OTOGL: variants seen among roughly 807,000 people sequenced by gnomAD.
The protein encoded by OTOGL is otogelin-like protein.
A neutral mutation model predicts 318.5 loss-of-function variants in OTOGL; 285 were observed. The ratio of observed to expected loss-of-function variants is 0.89; its 90% CI spans 0.81 to 0.99. OTOGL has a LOEUF of 0.99. OTOGL is among the 50% of genes least tolerant of loss of function. The probability of loss-of-function intolerance (pLI) is 0.00; values close to 1 mark genes in which losing one functional copy is unlikely to be tolerated. For missense variants in OTOGL, 2,899 were observed against 2,845.6 expected, an observed-to-expected ratio of 1.02 and a Z score of -0.43; for synonymous variants, 987 against 936.5, an observed-to-expected ratio of 1.05 and a Z score of -0.99.
chr12:80,119,753 T>C (rs2137096175), intron 1 of OTOGL, among the ~76,000 whole-genome samples: 1 of 152,338 alleles, frequency 6.6e-6, no homozygotes, highest in Non-Finnish European at 1.5e-5. Context: ...GCTTTCATCC[T>C]TTAATACAAT....
chr12:80,264,212 T>A (rs935235935), intron 19 of OTOGL, among the ~76,000 whole-genome samples: 5 of 152,066 alleles, frequency 3.3e-5, no homozygotes, highest in African/African-American at 1.2e-4. Context: ...ACCTACCCTC[T>A]TTCAGAAAGA....
In OTOGL at chr12:80,267,275, A is replaced by T. The variant is rs1449286339; in HGVS notation, c.2413A>T (p.Arg805Trp). Residue 805 changes from arginine to tryptophan, a missense_variant, in exon 22 of 59, where the codon AGG becomes TGG. Arg to Trp is a moderately radical substitution (Grantham distance 101). This residue lies in a region of OTOGL where 2,607 missense variants were observed against 2,524.9 expected (regional missense o/e 1.03). Coordinates refer to ENST00000547103, the MANE Select transcript of OTOGL (RefSeq NM_001378609.3). ...VPIFHCRCHY[R>W]GSVYQPGELI... ...TAGATTCCACTGCCGTTGTCATTAT[A>T]GGGGCAGTGTTTATCAACCTGGAGA... 2.6e-6 allele frequency: 4 copies of T among 1,562,780 alleles called. No individual in the cohort carries two copies.
chr12:80,289,981 C>A (rs1884925186), intron 26 of OTOGL, among the ~76,000 whole-genome samples: 1 of 152,152 alleles, frequency 6.6e-6, no homozygotes. Flanking sequence ...GGAGTCTGCC[C>A]AAACAGCTGC....
rs1216758646 is a variant in OTOGL, at chr12:80,265,183, G to A, written c.2197G>A (p.Asp733Asn). The part of the protein sequence containing the change: ...YLCGQHGVPI[D>N]FRTQISFCAV... ...CTGCGGCCAGCACGGTGTTCCCATTGATTTCAGAACTCAGATTTCTTTCTG... is the reference window on the plus strand; with the variant it reads ...CTGCGGCCAGCACGGTGTTCCCATTAATTTCAGAACTCAGATTTCTTTCTG... Residue 733 changes from aspartate to asparagine, a missense_variant, in exon 20 of 59, where the codon GAT becomes AAT. Coordinates refer to ENST00000547103, the MANE Select transcript of OTOGL (RefSeq NM_001378609.3). 58 of 1,613,610 alleles carry A rather than the reference G, an allele frequency of 3.6e-5. No individual in the cohort carries two copies. Among genetic ancestry groups the A allele is most frequent in the Non-Finnish European group, 4.8e-5 (57 of 1,179,818 alleles).
intron 35 of OTOGL, among the ~76,000 whole-genome samples, chr12:80,326,750 T>TA (rs1887699461): frequency 6.6e-6 from 1 of 152,226 alleles, no homozygotes; most frequent in African/African-American, 2.4e-5. Context: ...TTTATGTTTT[T>TA]AAAAAATCAA....
intron 56 of OTOGL, among the ~76,000 whole-genome samples, chr12:80,371,501 G>C (rs938387944): frequency 6.6e-6 from 1 of 152,010 alleles, no homozygotes; most frequent in Admixed American, 6.6e-5. Context: ...TATTTCAATT[G>C]CAGTTAGTAG....
chr12:80,114,912 T>TTGATACTTG (rs1396098477), intron 1 of OTOGL, among the ~76,000 whole-genome samples: 1 of 151,816 alleles, frequency 6.6e-6, no homozygotes, highest in Non-Finnish European at 1.5e-5. Flanking sequence ...AATTCAGCTA[T>TTGATACTTG]TGATACTTGT....
chr12:80,136,693 C>T lies in OTOGL; in HGVS notation c.-20+37088C>T, dbSNP rs137914228. Among the ~76,000 whole-genome samples the T allele has an allele frequency of 3.3e-5, 5 of 152,206 alleles. No individual in the cohort carries two copies. The East Asian group carries it at 9.6e-4, about 29-fold the overall frequency. On this transcript the variant is annotated intron_variant, in intron 1 of 58. Coordinates refer to ENST00000547103, the MANE Select transcript of OTOGL (RefSeq NM_001378609.3). ...CGGTATAGGTCTTTTTCAAATGTCT[C>T]CTACCAGGGAGGGCTTTCCTGACCA...
rs12230881 is a variant in OTOGL at position 80,213,287 on chromosome 12, T to A, written c.168+1290T>A. ...TTGGTGGGAGTGTCTTTTAGCATGT[T>A]AATGCATTATAACTAGAGTATAATG... On this transcript the variant is annotated intron_variant, in intron 4 of 58. Transcript: ENST00000547103. Among the ~76,000 whole-genome samples, 6 of 152,348 alleles carry A rather than the reference T, an allele frequency of 3.9e-5. No homozygotes were observed. The East Asian group carries it at 1.2e-3, about 29-fold the overall frequency.
rs548080185 is a variant in OTOGL at position 80,355,869 on chromosome 12, C to T, written c.5727C>T (p.Pro1909=). 1.2e-6 allele frequency: 2 copies of T among 1,613,844 alleles called. No individual in the cohort carries two copies. The highest frequency in any genetic ancestry group is 2.2e-5 in the East Asian group (1 of 44,874). The part of the protein sequence containing the change: ...IPIEPDCDEE[P]TPVCEREAEV... ...TAGAACCTGACTGTGATGAAGAGCC[C>T]ACGCCAGTTTGTGAACGAGAAGCTG... is the stretch of plus-strand genomic sequence containing the variant. The change falls in exon 47 of 59, where the codon CCC becomes CCT. Residue 1909 remains proline (P), a synonymous_variant. Transcript: ENST00000547103.
At chr12:80,339,408 A>G in intron 43 of OTOGL, 144 bp downstream of exon 43, 1 of 682,830 alleles carries the variant, frequency 1.5e-6, no homozygotes, top group South Asian at 2.1e-5. Flanking sequence ...CCATGTAAAT[A>G]CGGAAGGAAG....
chr12:80,264,579 A>G (rs1421410212), intron 19 of OTOGL, among the ~76,000 whole-genome samples: 1 of 152,152 alleles, frequency 6.6e-6, no homozygotes, highest in African/African-American at 2.4e-5. Context: ...ATCATTCCCA[A>G]TTCTTCCTAG....
Position 80,233,078 on chromosome 12 carries a change from T to A in OTOGL, c.798T>A (p.Asp266Glu). 6.3e-7 allele frequency: 1 copy of A among 1,594,912 alleles called. No homozygotes were observed. The highest frequency in any genetic ancestry group is 8.5e-7 in the Non-Finnish European group (1 of 1,175,722). The change falls in exon 9 of 59, where the codon GAT becomes GAA. Residue 266 changes from aspartate to glutamate, a missense_variant. By Grantham distance (45) the Asp-to-Glu change is conservative. Around this residue, in one of 3 missense-constraint regions of OTOGL, gnomAD observed 2,607 missense variants for 2,524.9 expected, o/e 1.03. Coordinates refer to ENST00000547103, the MANE Select transcript of OTOGL (RefSeq NM_001378609.3). ...LCGNYNDIQS[D>E]DFIILQEDYT... ...GAAACTACAATGACATTCAATCTGA[T>A]GATTTCATAATTCTGCAAGGTAAGT... is the stretch of plus-strand genomic sequence containing the variant.
chr12:80,316,757 T>G (rs1369914925), intron 32 of OTOGL, among the ~76,000 whole-genome samples: 1 of 152,194 alleles, frequency 6.6e-6, no homozygotes. Flanking sequence ...AAAACTGTGA[T>G]GATTGTGGAA....
intron 1 of OTOGL, among the ~76,000 whole-genome samples, chr12:80,106,391 T>G (rs903231534): frequency 6.6e-6 from 1 of 152,206 alleles, no homozygotes; most frequent in Non-Finnish European, 1.5e-5. Flanking sequence ...GGGTTATTTC[T>G]CAATGGTTTG....
At chr12:80,282,869 CT>C (rs1002432487) in intron 26 of OTOGL, among the ~76,000 whole-genome samples, 2 of 151,900 alleles carry the variant, frequency 1.3e-5, no homozygotes, top group Non-Finnish European at 2.9e-5. Flanking sequence ...CTGGTTTCTT[CT>C]TTGTCTTGTG....
intron 1 of OTOGL, among the ~76,000 whole-genome samples, chr12:80,199,162 C>T (rs957426394): frequency 3.9e-5 from 6 of 152,192 alleles, no homozygotes; most frequent in African/African-American, 1.4e-4. Context: ...TTGCTATACC[C>T]ACATCCCAGC....
At chr12:80,368,431 C>T in intron 55 of OTOGL, 122 bp downstream of exon 55, 1 of 537,448 alleles carries the variant, frequency 1.9e-6, no homozygotes, top group South Asian at 3.1e-5. Flanking sequence ...AGTACACCTA[C>T]AGCACACAAG....
At chr12:80,132,203 T>C (rs1337277199) in intron 1 of OTOGL, 1 of 152,252 alleles carries the variant, frequency 6.6e-6, no homozygotes, top group Non-Finnish European at 1.5e-5. Context: ...ACCACACCTA[T>C]ATAAGTTGTG....
Sources: gnomAD v4.1 joint callset for allele counts (sites outside exome capture counted in the v4.1 genomes callset) on GRCh38, gnomAD v4.1.1 for gene constraint, gnomAD v4.1.1 regional missense constraint, MANE v1.5 for transcripts, NCBI Gene and HGNC (gene_info 2026-07-23, HGNC 2026-07-21) for gene names.